Variants in RPGR observed in about 807,000 individuals in gnomAD.
The protein encoded by RPGR is X-linked retinitis pigmentosa GTPase regulator.
RPGR carries 10 observed loss-of-function variants against 56.3 expected under a neutral mutation model. The observed-to-expected ratio is 0.18, with a 90% confidence interval of 0.11 to 0.30. The LOEUF is 0.30. Ranked by LOEUF, RPGR falls within the 10% of genes least tolerant of loss-of-function variation. RPGR has a pLI of 1.00. For missense variants in RPGR, 538 were observed against 590.9 expected (o/e 0.91, Z 0.93); for synonymous variants, 197 against 212.9 (o/e 0.93, Z 0.65).
intron 6 of RPGR, among the ~76,000 whole-genome samples, chrX:38,312,835 C>T (rs957293763): frequency 9.0e-6 from 1 of 110,516 alleles, no homozygotes; most frequent in Non-Finnish European, 1.9e-5. Context: ...CCTAGCTACT[C>T]GGAGGAATGA....
intron 6 of RPGR, among the ~76,000 whole-genome samples, chrX:38,316,676 G>A (rs2067833756): frequency 9.0e-6 from 1 of 111,121 alleles, no homozygotes; most frequent in Non-Finnish European, 1.9e-5. Context: ...ATGCAGTGGT[G>A]AAAAATACTG....
At position 38,299,001 on chromosome X, in the gene RPGR, A is replaced by C; in HGVS notation, c.1200T>G (p.Asn400Lys). 1 of 1,211,860 alleles carries C rather than the reference A, an allele frequency of 8.3e-7. No individual in the cohort carries two copies. The highest frequency in any genetic ancestry group is 1.8e-5 in the South Asian group (1 of 57,017). Residue 400 changes from asparagine (N) to lysine (K), a missense_variant, in exon 10 of 19, where the codon AAT becomes AAG. Around this residue, in one of 2 missense-constraint regions of RPGR, gnomAD observed 357 missense variants for 325.8 expected, o/e 1.10. Coordinates refer to ENST00000642395, the MANE Select transcript of RPGR (RefSeq NM_000328.3). The stretch of plus-strand genomic sequence containing the variant: ...GTGCTGATAGAGTCCTCTGCAGTAC[A>C]TTTCCTGAGGTTAAACTGCTATACG...
intron 15 of RPGR, chrX:38,286,158 C>CTTCTCCATCCTCCCCT: frequency 1.7e-6 from 1 of 599,496 alleles, no homozygotes; most frequent in East Asian, 6.6e-5. Context: ...CCTCTTCCCC[C>CTTCTCCATCCTCCCCT]TCCCCTTCTC....
At position 38,287,882 on chromosome X, in the gene RPGR, C is replaced by T; in HGVS notation, c.1732G>A (p.Ala578Thr). The change falls in exon 14 of 19, where the codon GCA becomes ACA. Residue 578 changes from alanine (A) to threonine (T), a missense_variant. Physicochemically the swap from Ala to Thr is moderately conservative, Grantham distance 58. Coordinates refer to ENST00000642395, the MANE Select transcript of RPGR (RefSeq NM_000328.3). The stretch of plus-strand genomic sequence containing the variant: ...TTACCTACTTCCTCATCTGAAAATG[C>T]TTCGATAGTCGTAGCTGGCTGCGTC... The T allele has an allele frequency of 8.3e-7, 1 of 1,210,637 alleles. No individual in the cohort carries two copies. The highest frequency in any genetic ancestry group is 1.1e-6 in the Non-Finnish European group (1 of 894,741).
chrX:38,275,039 ATGTG>A (rs1601901091), intron 17 of RPGR: 10 of 968,696 alleles, frequency 1.0e-5, no homozygotes, highest in Non-Finnish European at 1.5e-5. Flanking sequence ...ACACATATAT[ATGTG>A]TGTATGTATG....
chrX:38,321,091 T>TA lies in RPGR; in HGVS notation c.248-3dup. On this transcript the variant is annotated splice_polypyrimidine_tract_variant and splice_region_variant and intron_variant, in intron 3 of 18. Coordinates refer to ENST00000642395, the MANE Select transcript of RPGR (RefSeq NM_000328.3). ...ATTTCACTTTTTCAGGTTTTAGAGCTAAAAATATTTAAAATGGGACAATTA... is the reference window on the plus strand; with the variant it reads ...ATTTCACTTTTTCAGGTTTTAGAGCTAAAAAATATTTAAAATGGGACAATTA... 1.7e-6 allele frequency: 2 copies of TA among 1,158,545 alleles called. No individual in the cohort carries two copies. The highest frequency in any genetic ancestry group is 2.4e-6 in the Non-Finnish European group (2 of 847,600).
At chrX:38,323,077 T>C in intron 2 of RPGR, 132 bp from the exon 3 acceptor site, 1 of 552,743 alleles carries the variant, frequency 1.8e-6, no homozygotes, top group Non-Finnish European at 3.1e-6. Context: ...AGTTACCTTG[T>C]TCATCTATGT....
intron 15 of RPGR, chrX:38,284,482 A>G (rs2067092179): frequency 2.7e-6 from 2 of 749,018 alleles, no homozygotes; most frequent in South Asian, 1.4e-4. Context: ...ACAGTCAGTG[A>G]ATACATTGAG....
At chrX:38,317,532 T>C (rs2067849151) in intron 5 of RPGR, 67 bp from the exon 6 acceptor site, 2 of 948,545 alleles carry the variant, frequency 2.1e-6, no homozygotes, top group African/African-American at 2.0e-5. Flanking sequence ...GCTATTATAC[T>C]TCCAAAAGAC....
chrX:38,276,146 CACA>C (rs753693553), intron 16 of RPGR, among the ~76,000 whole-genome samples: 2 of 111,863 alleles, frequency 1.8e-5, no homozygotes, highest in Non-Finnish European at 3.8e-5. Flanking sequence ...AAGAACTGAT[CACA>C]ACTTCAAATA....
intron 10 of RPGR, among the ~76,000 whole-genome samples, chrX:38,297,871 A>T (rs2067419512): frequency 8.9e-6 from 1 of 112,287 alleles, no homozygotes; most frequent in Non-Finnish European, 1.9e-5. Context: ...TTACAAATAA[A>T]ACTGCTATGA....
At chrX:38,279,513 C>T (rs910191211) in intron 15 of RPGR, among the ~76,000 whole-genome samples, 3 of 97,364 alleles carry the variant, frequency 3.1e-5, no homozygotes, top group Admixed American at 1.2e-4. Flanking sequence ...ACAATTACAT[C>T]GCATGCTTTA....
chrX:38,312,917 T>C (rs2067748444), intron 6 of RPGR, among the ~76,000 whole-genome samples: 1 of 105,187 alleles, frequency 9.5e-6, no homozygotes, highest in African/African-American at 3.5e-5. Context: ...CACTCCAGCC[T>C]GGGCAACAGA....
rs771196039 is a variant in RPGR at position 38,287,897 on chromosome X, C to G, written c.1717G>C (p.Ala573Pro). 4 of 1,209,370 alleles carry G rather than the reference C, an allele frequency of 3.3e-6. No individual in the cohort carries two copies. The highest frequency in any genetic ancestry group is 1.8e-5 in the African/African-American group (1 of 57,135). ...TCTGAAAATGCTTCGATAGTCGTAG[C>G]TGGCTGCGTCATGAAAATCCCTTGT... Residue 573 changes from alanine to proline, a missense_variant, in exon 14 of 19, where the codon GCT (alanine) becomes CCT (proline). Around this residue, in one of 2 missense-constraint regions of RPGR, gnomAD observed 357 missense variants for 325.8 expected, o/e 1.10. Coordinates refer to ENST00000642395, the MANE Select transcript of RPGR (RefSeq NM_000328.3).
chrX:38,317,151 T>C (rs1360883348), intron 6 of RPGR, 165 bp downstream of exon 6: 7 of 476,080 alleles, frequency 1.5e-5, no homozygotes, highest in Non-Finnish European at 1.8e-5. Context: ...GAACTCTTAT[T>C]ATATAAATGG....
chrX:38,299,575 T>A (rs1004088632), intron 9 of RPGR, among the ~76,000 whole-genome samples: 2 of 111,557 alleles, frequency 1.8e-5, no homozygotes, highest in Non-Finnish European at 3.8e-5. Flanking sequence ...GCTAATTATG[T>A]CTCTAAGCCT....
rs2147291804 is a variant in RPGR, at chrX:38,323,485, G to T, written c.68C>A (p.Ala23Asp). 2 of 1,208,490 alleles carry T rather than the reference G, an allele frequency of 1.7e-6. No homozygotes were observed. ...CCAGAATTTACCGGGATTATTTTCA[G>T]CAAATTTACTTTTCCCAAATGTAAA... Residue 23 changes from alanine (A) to aspartate (D), a missense_variant, in exon 2 of 19, where the codon GCT becomes GAT. Physicochemically the swap from Ala to Asp is moderately radical, Grantham distance 126 (BLOSUM62 -2). This residue lies in a region of RPGR where 181 missense variants were observed against 265.1 expected (regional missense o/e 0.68). Transcript: ENST00000642395.
intron 10 of RPGR, among the ~76,000 whole-genome samples, chrX:38,297,957 T>C (rs1408957803): frequency 8.9e-6 from 1 of 111,997 alleles, no homozygotes; most frequent in Non-Finnish European, 1.9e-5. Flanking sequence ...TTATTTGCCA[T>C]TTACTTTAAA....
rs1207641336 is a variant in RPGR, at chrX:38,317,341, T to C, written c.594A>G (p.Gly198=). The C allele has an allele frequency of 8.3e-7, 1 of 1,210,589 alleles. No individual in the cohort carries two copies. The highest frequency in any genetic ancestry group is 1.8e-5 in the South Asian group (1 of 56,947). Residue 198 remains glycine, a synonymous_variant, in exon 6 of 19, where the codon GGA becomes GGG. Coordinates refer to ENST00000642395, the MANE Select transcript of RPGR (RefSeq NM_000328.3). The stretch of plus-strand genomic sequence containing the variant: ...TTGTTACAAAAGCTGAATGGTAATA[T>C]CCACAAGAGATCCAGGAGACAGGTT...
Sources: allele counts gnomAD v4.1 joint callset (sites outside exome capture counted in the v4.1 genomes callset), GRCh38; gene constraint gnomAD v4.1.1; regional missense constraint gnomAD v4.1.1; transcripts MANE v1.5; gene names NCBI Gene and HGNC (gene_info 2026-07-23, HGNC 2026-07-21).